RIMKLB: variants seen among roughly 807,000 people sequenced by gnomAD.
RIMKLB encodes the protein ribosomal modification protein rimK like family member B, also known as beta-citrylglutamate synthase B.
Under a neutral mutation model 32.0 loss-of-function variants are expected in RIMKLB, and 7 were observed. That is an observed-to-expected ratio of 0.22 (90% CI 0.12 to 0.41). The LOEUF is 0.41. Ranked by LOEUF, RIMKLB falls within the 10% of genes least tolerant of loss-of-function variation. The pLI, the probability that RIMKLB is intolerant of heterozygous loss-of-function variation, is 1.00. For missense variants in RIMKLB, 289 were observed against 498.7 expected (o/e 0.58, Z 4.00); for synonymous variants, 172 against 185.1 (o/e 0.93, Z 0.57).
chr12:8,698,726 T>G (rs947624166), intron 1 of RIMKLB, among the ~76,000 whole-genome samples: 3 of 119,712 alleles, frequency 2.5e-5, no homozygotes, highest in African/African-American at 9.7e-5. Context: ...TTCCCACAAA[T>G]TCTATGGAGC....
At chr12:8,740,854 C>G (rs746506523) in intron 2 of RIMKLB, among the ~76,000 whole-genome samples, 1 of 152,060 alleles carries the variant, frequency 6.6e-6, no homozygotes, top group African/African-American at 2.4e-5. Flanking sequence ...GGGCAGATCA[C>G]TTGAGGTCAG....
chr12:8,773,920 G>C lies in RIMKLB; in HGVS notation c.*136G>C. The C allele has an allele frequency of 7.0e-7, 1 of 1,436,710 alleles. No individual in the cohort carries two copies. The highest frequency in any genetic ancestry group is 1.5e-5 in the South Asian group (1 of 66,170). The allele number at this position is 1,436,710 out of a possible 1,614,324, so 89.0% of individuals were successfully genotyped here. Reference sequence around the variant, plus strand: ...AAATTAGTAGGATTAGTTGGAGAGAGTGGGAGATAGATGAGACCTCTGCTA... The same window carrying C: ...AAATTAGTAGGATTAGTTGGAGAGACTGGGAGATAGATGAGACCTCTGCTA... On this transcript the variant is annotated 3_prime_UTR_variant, in exon 6 of 6. Coordinates refer to ENST00000535829, the MANE Select transcript of RIMKLB (RefSeq NM_001297776.2).
chr12:8,767,048 G>T (rs1313803731), intron 5 of RIMKLB, among the ~76,000 whole-genome samples: 1 of 151,948 alleles, frequency 6.6e-6, no homozygotes, highest in African/African-American at 2.4e-5. Flanking sequence ...GGAGTTGTCA[G>T]TGGTCTCAGT....
downstream of RIMKLB, chr12:8,777,428 T>A (rs771759401): frequency 2.0e-6 from 2 of 985,258 alleles, no homozygotes; most frequent in South Asian, 9.4e-5. Context: ...TTTATACCAA[T>A]GCCATTTTGC....
At chr12:8,682,801 A>AT (rs1465620914) in intron 1 of RIMKLB, among the ~76,000 whole-genome samples, 8 of 19,320 alleles carry the variant, frequency 4.1e-4, no homozygotes, top group African/African-American at 9.4e-4. Context: ...AAATAAATAA[A>AT]TTAAAAAAAA....
intron 2 of RIMKLB, among the ~76,000 whole-genome samples, chr12:8,720,625 T>A (rs1398619754): frequency 6.6e-6 from 1 of 152,150 alleles, no homozygotes; most frequent in African/African-American, 2.4e-5. Flanking sequence ...CACTGCAACC[T>A]CTGTCTCGGG....
At chr12:8,704,868 C>T (rs5028498) in intron 1 of RIMKLB, among the ~76,000 whole-genome samples, 152,061 of 152,062 alleles carry the variant, frequency 1, 76,030 homozygotes, top group Non-Finnish European at 1. Context: ...ACCTGTCATC[C>T]CACCTACTTG....
chr12:8,732,246 T>C (rs145917021), intron 2 of RIMKLB, among the ~76,000 whole-genome samples: 209 of 152,248 alleles, frequency 1.4e-3, no homozygotes, highest in African/African-American at 4.7e-3. Context: ...AGCTTTTACT[T>C]AGCAGGTGAT....
chr12:8,700,264 G>A (rs1163832618), intron 1 of RIMKLB: 2 of 152,152 alleles, frequency 1.3e-5, no homozygotes, highest in Non-Finnish European at 2.9e-5. Context: ...TTCAGGCATT[G>A]GTTTGTTGTG....
downstream of RIMKLB, chr12:8,777,820 C>T: frequency 8.1e-6 from 4 of 492,160 alleles, no homozygotes; most frequent in Non-Finnish European, 1.1e-5. Context: ...AACTCTTTCT[C>T]CTTTCTTTCC....
chr12:8,674,240 CTTT>C, the RIMKLB span, among the ~76,000 whole-genome samples: 2 of 124,458 alleles, frequency 1.6e-5, no homozygotes, highest in Non-Finnish European at 1.7e-5. Context: ...TTTTTTTTTC[CTTT>C]TTTTTTTTTT....
intron 2 of RIMKLB, among the ~76,000 whole-genome samples, chr12:8,741,510 G>T (rs1401839506): frequency 6.6e-6 from 1 of 151,802 alleles, no homozygotes; most frequent in East Asian, 1.9e-4. Context: ...GCTGGGTGCG[G>T]TGGCTCATGC....
At chr12:8,692,447 C>T (rs997171921), upstream of RIMKLB, among the ~76,000 whole-genome samples, 6 of 152,108 alleles carry the variant, frequency 3.9e-5, no homozygotes, top group African/African-American at 1.4e-4. Context: ...TACACAGGCT[C>T]ATTCAGGTCA....
chr12:8,737,643 T>A (rs192289389), intron 2 of RIMKLB, among the ~76,000 whole-genome samples: 1 of 152,116 alleles, frequency 6.6e-6, no homozygotes, highest in African/African-American at 2.4e-5. Flanking sequence ...AAATGGATTT[T>A]CCCCCCCTCA....
intron 2 of RIMKLB, among the ~76,000 whole-genome samples, chr12:8,740,299 T>G (rs912057223): frequency 6.6e-6 from 1 of 151,550 alleles, no homozygotes; most frequent in East Asian, 1.9e-4. Flanking sequence ...TGTCCCCTCT[T>G]TTAGAATACT....
chr12:8,732,178 A>T (rs1462843998), intron 2 of RIMKLB, among the ~76,000 whole-genome samples: 1 of 152,096 alleles, frequency 6.6e-6, no homozygotes, highest in Non-Finnish European at 1.5e-5. Context: ...AAATCAACAC[A>T]TAAATGGGCA....
chr12:8,698,521 C>T (rs1323913180), intron 1 of RIMKLB, among the ~76,000 whole-genome samples: 1 of 152,042 alleles, frequency 6.6e-6, no homozygotes, highest in Admixed American at 6.5e-5. Context: ...CGCGCGTGTG[C>T]CGGGAGGCGC....
chr12:8,751,885 T>C (rs1219169961), intron 3 of RIMKLB, 72 bp from the exon 4 acceptor site: 1 of 978,004 alleles, frequency 1.0e-6, no homozygotes, highest in African/African-American at 1.6e-5. Context: ...TGGTTGTCTT[T>C]AGCGTTGATA....
intron 2 of RIMKLB, among the ~76,000 whole-genome samples, chr12:8,739,230 A>C (rs1591819769): frequency 6.6e-6 from 1 of 152,100 alleles, no homozygotes; most frequent in Non-Finnish European, 1.5e-5. Context: ...TTTGTTTCTG[A>C]TGAGGGCCCA....
Sources: gnomAD v4.1 joint callset for allele counts (sites outside exome capture counted in the v4.1 genomes callset) on GRCh38, gnomAD v4.1.1 for gene constraint, MANE v1.5 for transcripts, NCBI Gene and HGNC (gene_info 2026-07-23, HGNC 2026-07-21) for gene names.